Variants in EPSTI1 observed in about 807,000 individuals in gnomAD.
The protein encoded by EPSTI1 is epithelial stromal interaction 1.
In EPSTI1, 66 loss-of-function variants were observed where a neutral mutation model predicts 49.9. That is an observed-to-expected ratio of 1.32 (90% CI 1.08 to 1.62). EPSTI1 has a LOEUF of 1.62. EPSTI1 is among the 40% of genes most tolerant of loss of function. The pLI is 0.00. For synonymous variants in EPSTI1, 137 were observed against 130.7 expected, an observed-to-expected ratio of 1.05 and a Z score of -0.33; for missense variants, 394 against 365.5, an observed-to-expected ratio of 1.08 and a Z score of -0.64.
intron 1 of EPSTI1, among the ~76,000 whole-genome samples, chr13:42,982,757 T>C (rs2040007814): frequency 6.6e-6 from 1 of 151,814 alleles, no homozygotes; most frequent in African/African-American, 2.4e-5. Context: ...AAAGCCTCTC[T>C]GACCTTCTCC....
Position 42,912,215 on chromosome 13 carries a change from T to C in EPSTI1, c.741+5326A>G, listed in dbSNP as rs9567067. Among the ~76,000 whole-genome samples the C allele has an allele frequency of 5.9e-5, 9 of 152,128 alleles. No homozygotes were observed. The East Asian group carries it at 1.5e-3, about 26-fold the overall frequency. Reference sequence around the variant, plus strand: ...AGGGAAAACCAATGTGCAGGATAAATTGGAGCTAAGTCCACCTGCTTCTGA... The same window carrying C: ...AGGGAAAACCAATGTGCAGGATAAACTGGAGCTAAGTCCACCTGCTTCTGA... On this transcript the variant is annotated intron_variant, in intron 8 of 10. Transcript: ENST00000313624.
At chr13:42,986,127 C>A (rs2040073614) in intron 1 of EPSTI1, among the ~76,000 whole-genome samples, 1 of 152,228 alleles carries the variant, frequency 6.6e-6, no homozygotes, top group Admixed American at 6.5e-5. Flanking sequence ...CACAAGCCAG[C>A]ACTCACAGGC....
Position 42,953,959 on chromosome 13 carries a change from C to A in EPSTI1, c.552G>T (p.Glu184Asp), listed in dbSNP as rs749803454. The change falls in exon 6 of 11, where the codon GAG (glutamate) becomes GAT (aspartate). Residue 184 changes from glutamate to aspartate, a missense_variant. By Grantham distance (45) the Glu-to-Asp change is conservative (BLOSUM62 2). Transcript: ENST00000313624. The stretch of plus-strand genomic sequence containing the variant: ...AAACATTAACTTACTATTGCTGATG[C>A]TCTCTAAATGCTTCTCTTCTAAGGT... ...QENLRREAFR[E>D]HQQYKTAEFL... The A allele has an allele frequency of 4.6e-5, 74 of 1,612,370 alleles. No individual in the cohort carries two copies. The South Asian group carries it at 6.3e-4, about 14-fold the overall frequency.
chr13:42,933,258 T>C (rs1323264118), intron 6 of EPSTI1, among the ~76,000 whole-genome samples: 1 of 151,810 alleles, frequency 6.6e-6, no homozygotes, highest in African/African-American at 2.4e-5. Context: ...GAAACTATTT[T>C]TCTACTATTT....
rs754801953 is a variant in EPSTI1, at chr13:42,922,730, T to C, written c.657+3606A>G. ...CATGTTAAGTACTTTATTTGACTTC[T>C]TAATGAATGAGCATGTGACACGTAG... On this transcript the variant is annotated intron_variant, in intron 7 of 10. Coordinates refer to ENST00000313624, the MANE Select transcript of EPSTI1 (RefSeq NM_033255.5). The surrounding 1 kb of genome is among the most constrained non-coding windows in gnomAD (Gnocchi z 4.8). 7.2e-5 allele frequency among the ~76,000 whole-genome samples: 11 copies of C among 152,180 alleles called. No individual in the cohort carries two copies. Among genetic ancestry groups the C allele is most frequent in the Non-Finnish European group, 1.5e-4 (10 of 68,018 alleles).
At chr13:42,970,334 AG>A (rs2039734951) in intron 2 of EPSTI1, 1 of 308,594 alleles carries the variant, frequency 3.2e-6, no homozygotes. Context: ...CCTACCCTCA[AG>A]GAGGTTTATT....
chr13:42,970,665 CT>C lies in EPSTI1; in HGVS notation c.193del (p.Ser65ValfsTer5), dbSNP rs773720754. On this transcript the variant is annotated frameshift_variant, in exon 2 of 11. Coordinates refer to ENST00000313624, the MANE Select transcript of EPSTI1 (RefSeq NM_033255.5). LOFTEE classifies it high-confidence loss of function. The part of the protein sequence containing the change: ...SVVHAGQRRT[S>X]AYTLIAPNIN... ...ATTTGGTGCTATCAAGGTGTATGCA[CT>C]TGTGCTAAAAGGAAGAGAAAAAAAA... 8.1e-6 allele frequency: 13 copies of C among 1,602,748 alleles called. No homozygotes were observed. Among genetic ancestry groups the C allele is most frequent in the East Asian group, 2.2e-5 (1 of 44,512 alleles).
intron 10 of EPSTI1, among the ~76,000 whole-genome samples, chr13:42,894,129 C>A (rs1469509444): frequency 6.6e-6 from 1 of 152,198 alleles, no homozygotes; most frequent in East Asian, 1.9e-4. Context: ...TACTAGATGT[C>A]TTTCAAAGGT....
At chr13:42,951,642 T>C (rs2039100698) in intron 6 of EPSTI1, among the ~76,000 whole-genome samples, 1 of 152,210 alleles carries the variant, frequency 6.6e-6, no homozygotes. Context: ...GCTGGAACTA[T>C]AAAAGAAAGG....
chr13:42,988,425 C>A (rs980813444), intron 1 of EPSTI1, among the ~76,000 whole-genome samples: 7 of 152,136 alleles, frequency 4.6e-5, no homozygotes, highest in African/African-American at 1.4e-4. Flanking sequence ...TAACTTAAAT[C>A]CAAATTCCAT....
intron 6 of EPSTI1, among the ~76,000 whole-genome samples, chr13:42,935,824 C>T (rs1463943669): frequency 6.6e-6 from 1 of 152,098 alleles, no homozygotes; most frequent in Non-Finnish European, 1.5e-5. Flanking sequence ...GACTCCTGAC[C>T]TCAGTGATCC....
At chr13:42,961,342 A>T (rs2039443467) in intron 5 of EPSTI1, among the ~76,000 whole-genome samples, 1 of 152,214 alleles carries the variant, frequency 6.6e-6, no homozygotes, top group African/African-American at 2.4e-5. Context: ...GATGAAGCCA[A>T]GTAGCTCAAA....
intron 7 of EPSTI1, among the ~76,000 whole-genome samples, chr13:42,923,537 G>T (rs2038084111): frequency 6.6e-6 from 1 of 152,118 alleles, no homozygotes; most frequent in African/African-American, 2.4e-5. Flanking sequence ...CTCCAGCCTG[G>T]GTGACAGAGT....
Position 42,887,542 on chromosome 13 carries a change from T to C in EPSTI1, c.*952A>G, listed in dbSNP as rs1317103155. ...TGAATGTAATGCTTTTGCTATACAA[T>C]GTGGTGGCTGGGGGACGGTGAGGCG... On this transcript the variant is annotated 3_prime_UTR_variant, in exon 11 of 11. Coordinates refer to ENST00000313624, the MANE Select transcript of EPSTI1 (RefSeq NM_033255.5). 1 of 152,232 alleles carries C rather than the reference T, an allele frequency of 6.6e-6. No homozygotes were observed. Among genetic ancestry groups the C allele is most frequent in the African/African-American group, 2.4e-5 (1 of 41,440 alleles). 9.4% of individuals were successfully genotyped at this position (152,232 alleles called of 1,614,324 possible).
chr13:42,949,540 T>G (rs2153427738), intron 6 of EPSTI1, among the ~76,000 whole-genome samples: 1 of 143,858 alleles, frequency 7.0e-6, no homozygotes, highest in East Asian at 2.0e-4. Context: ...TGCAGTGAGC[T>G]GAGATTGAGC....
intron 10 of EPSTI1, among the ~76,000 whole-genome samples, chr13:42,890,534 G>A (rs956822499): frequency 2.0e-5 from 3 of 152,010 alleles, no homozygotes; most frequent in Non-Finnish European, 4.4e-5. Context: ...TCCTGACCTC[G>A]TGATCCGCCC....
At chr13:42,955,449 T>C (rs988880613) in intron 5 of EPSTI1, among the ~76,000 whole-genome samples, 1 of 152,164 alleles carries the variant, frequency 6.6e-6, no homozygotes, top group Non-Finnish European at 1.5e-5. Context: ...ATTTTAACCT[T>C]TTCACTAATA....
At chr13:42,942,026 ATTT>A (rs1281893687) in intron 6 of EPSTI1, among the ~76,000 whole-genome samples, 1 of 152,170 alleles carries the variant, frequency 6.6e-6, no homozygotes. Context: ...TGTCATATGT[ATTT>A]CAAACCTATT....
chr13:42,960,737 A>G (rs959364084), intron 5 of EPSTI1, among the ~76,000 whole-genome samples: 1 of 152,166 alleles, frequency 6.6e-6, no homozygotes. Flanking sequence ...GGTCTTTTCC[A>G]GCTTCTAGAG....
Sources: gnomAD v4.1 joint callset for allele counts (sites outside exome capture counted in the v4.1 genomes callset) on GRCh38, gnomAD v4.1.1 for gene constraint, Gnocchi (gnomAD v3.1) non-coding constraint, MANE v1.5 for transcripts, NCBI Gene and HGNC (gene_info 2026-07-23, HGNC 2026-07-21) for gene names.